The following CNTN5 variants were observed in gnomAD, a reference collection of about 807,000 sequenced individuals.
The protein encoded by CNTN5 is contactin 5.
Under a neutral mutation model 129.1 loss-of-function variants are expected in CNTN5, and 77 were observed. That is an observed-to-expected ratio of 0.60 (90% CI 0.50 to 0.72). CNTN5 has a LOEUF of 0.72. Ranked by LOEUF, CNTN5 falls within the 30% of genes least tolerant of loss-of-function variation. The probability of loss-of-function intolerance (pLI) is 0.00; values close to 1 mark genes in which losing one functional copy is unlikely to be tolerated. For synonymous variants in CNTN5, 509 were observed against 465.6 expected, an observed-to-expected ratio of 1.09 and a Z score of -1.20; for missense variants, 1,478 against 1,328.8, an observed-to-expected ratio of 1.11 and a Z score of -1.75.
intron 2 of CNTN5, among the ~76,000 whole-genome samples, chr11:99,536,259 A>T (rs1340771677): frequency 7.5e-6 from 1 of 133,026 alleles, no homozygotes; most frequent in Non-Finnish European, 1.7e-5. Flanking sequence ...ATAATAAGAA[A>T]ATCTTTTTTT....
rs569429522 is a variant in CNTN5 at position 99,358,379 on chromosome 11, C to CG, written c.-71+32897dup. Reference sequence around the variant, plus strand: ...AAAGTGCTGGGATAGCAGCCGGGCGCGGTGGCCGAAACCCTGTCTCTACTA... The same window carrying CG: ...AAAGTGCTGGGATAGCAGCCGGGCGCGGGTGGCCGAAACCCTGTCTCTACTA... On this transcript the variant is annotated intron_variant, in intron 2 of 24. Transcript: ENST00000524871. Among the ~76,000 whole-genome samples, 305 of 127,226 alleles carry CG rather than the reference C, an allele frequency of 2.4e-3. 2 individuals carry two copies. Among genetic ancestry groups the CG allele is most frequent in the Middle Eastern group, 7.9e-3 (2 of 254 alleles). The allele number at this position is 127,226 out of a possible 152,430, so 83.5% of individuals were successfully genotyped here.
rs577000967 is a variant in CNTN5 at position 100,063,017 on chromosome 11, T to A, written c.1162+1624T>A. ...AAAGACAAGTGTTGAACCGGAACTT[T>A]ACTACTGAAAATCACAAATAATGTA... On this transcript the variant is annotated intron_variant, in intron 10 of 24. Coordinates refer to ENST00000524871, the MANE Select transcript of CNTN5 (RefSeq NM_014361.4). Among the ~76,000 whole-genome samples the A allele has an allele frequency of 4.6e-5, 7 of 152,270 alleles. No homozygotes were observed. The South Asian group carries it at 1.5e-3, about 32-fold the overall frequency.
chr11:100,268,439 G>A (rs117557854), intron 17 of CNTN5, among the ~76,000 whole-genome samples: 2,271 of 152,200 alleles, frequency 0.015, 19 homozygotes, highest in Non-Finnish European at 0.022. Flanking sequence ...CAGAATGAAA[G>A]CAATCATTGA....
At chr11:100,134,589 C>A (rs947637985) in intron 13 of CNTN5, among the ~76,000 whole-genome samples, 2 of 152,066 alleles carry the variant, frequency 1.3e-5, no homozygotes, top group African/African-American at 4.8e-5. Flanking sequence ...CCCTGTAAAT[C>A]AGGGGCTGTT....
chr11:99,408,277 G>A (rs1942183698), intron 2 of CNTN5, among the ~76,000 whole-genome samples: 1 of 150,674 alleles, frequency 6.6e-6, no homozygotes, highest in Middle Eastern at 3.4e-3. Context: ...GGAGTGCAGT[G>A]GTGCGATCAT....
At chr11:99,441,448 A>G (rs1321906961) in intron 2 of CNTN5, among the ~76,000 whole-genome samples, 2 of 152,162 alleles carry the variant, frequency 1.3e-5, no homozygotes, top group Non-Finnish European at 2.9e-5. Flanking sequence ...CCCCCACGTT[A>G]ATATACTAGC....
chr11:100,118,572 G>A (rs1488953599), intron 13 of CNTN5, among the ~76,000 whole-genome samples: 1 of 151,894 alleles, frequency 6.6e-6, no homozygotes, highest in Non-Finnish European at 1.5e-5. Flanking sequence ...GTCTTCAGCT[G>A]TACAGAGTTA....
intron 17 of CNTN5, among the ~76,000 whole-genome samples, chr11:100,257,165 A>C (rs1950089320): frequency 6.6e-6 from 1 of 152,146 alleles, no homozygotes; most frequent in African/African-American, 2.4e-5. Flanking sequence ...AAACAAAGCC[A>C]CCTGGAAGTC....
chr11:99,120,701 G>A (rs149853389), intron 1 of CNTN5, among the ~76,000 whole-genome samples: 3 of 152,186 alleles, frequency 2.0e-5, no homozygotes, highest in African/African-American at 7.2e-5. Context: ...GTCACACAAG[G>A]CTTGGGAAAA....
chr11:99,081,757 T>G (rs1454680645), intron 1 of CNTN5, among the ~76,000 whole-genome samples: 5 of 152,172 alleles, frequency 3.3e-5, no homozygotes, highest in Non-Finnish European at 5.9e-5. Flanking sequence ...TTAAAATGCA[T>G]AGCATGTAGT....
chr11:99,951,243 C>T lies in CNTN5; in HGVS notation c.674-5563C>T, dbSNP rs73553346. 3.3e-3 allele frequency among the ~76,000 whole-genome samples: 490 copies of T among 148,298 alleles called. 4 individuals carry two copies. The highest frequency in any genetic ancestry group is 0.011 in the African/African-American group (458 of 40,560). ...TCTGTGTGTAATAGGGAAAGTGGGG[C>T]GCACAGACCAAGGGAAGAACTAGGT... On this transcript the variant is annotated intron_variant, in intron 7 of 24. Coordinates refer to ENST00000524871, the MANE Select transcript of CNTN5 (RefSeq NM_014361.4).
At chr11:99,585,098 C>G (rs904152164) in intron 3 of CNTN5, among the ~76,000 whole-genome samples, 1 of 152,184 alleles carries the variant, frequency 6.6e-6, no homozygotes, top group Non-Finnish European at 1.5e-5. Flanking sequence ...AATGACCAAA[C>G]ACACAGTGTT....
intron 2 of CNTN5, among the ~76,000 whole-genome samples, chr11:99,474,173 A>T (rs1312836094): frequency 6.6e-6 from 1 of 151,898 alleles, no homozygotes; most frequent in African/African-American, 2.4e-5. Flanking sequence ...ATTTATATAT[A>T]AAAAATACTG....
In CNTN5 at chr11:99,718,640, G is replaced by T. The variant is rs1208335449; in HGVS notation, c.56-100904G>T. Among the ~76,000 whole-genome samples the T allele has an allele frequency of 2.0e-5, 3 of 152,106 alleles. No individual in the cohort carries two copies. In the East Asian group the frequency reaches 5.8e-4, roughly 29 times the overall value. On this transcript the variant is annotated intron_variant, in intron 3 of 24. Coordinates refer to ENST00000524871, the MANE Select transcript of CNTN5 (RefSeq NM_014361.4). Reference sequence around the variant, plus strand: ...ACACATCTAAATTGGTCAGAAACTTGAGAAGAACAGAATATGAGGATGGTA... The same window carrying T: ...ACACATCTAAATTGGTCAGAAACTTTAGAAGAACAGAATATGAGGATGGTA...
intron 1 of CNTN5, among the ~76,000 whole-genome samples, chr11:99,213,821 G>A (rs1203734662): frequency 1.3e-5 from 2 of 152,008 alleles, no homozygotes; most frequent in Non-Finnish European, 2.9e-5. Flanking sequence ...GAAATATGAG[G>A]CAGAGATCTA....
chr11:99,559,749 A>G (rs772013747), intron 3 of CNTN5, among the ~76,000 whole-genome samples: 2 of 152,210 alleles, frequency 1.3e-5, no homozygotes, highest in Non-Finnish European at 2.9e-5. Flanking sequence ...AAAAACTACC[A>G]TATAAGCGTT....
intron 2 of CNTN5, among the ~76,000 whole-genome samples, chr11:99,388,584 G>C (rs529695136): frequency 6.6e-6 from 1 of 152,204 alleles, no homozygotes; most frequent in African/African-American, 2.4e-5. Flanking sequence ...TTGCTTACCA[G>C]GACAAGCCCA....
intron 8 of CNTN5, among the ~76,000 whole-genome samples, chr11:99,965,061 A>G (rs1230124348): frequency 6.6e-6 from 1 of 151,776 alleles, no homozygotes; most frequent in African/African-American, 2.4e-5. Context: ...TTTCTTCTTT[A>G]TTAGTCTTGC....
At chr11:100,288,913 A>T (rs1950875535) in intron 18 of CNTN5, among the ~76,000 whole-genome samples, 1 of 152,038 alleles carries the variant, frequency 6.6e-6, no homozygotes, top group African/African-American at 2.4e-5. Flanking sequence ...ACAATAAAAA[A>T]TGATAAAGGA....
Sources: allele counts gnomAD v4.1 joint callset (sites outside exome capture counted in the v4.1 genomes callset), GRCh38; gene constraint gnomAD v4.1.1; transcripts MANE v1.5; gene names NCBI Gene and HGNC (gene_info 2026-07-23, HGNC 2026-07-21).